Variants in TMEM178B observed in about 807,000 individuals in gnomAD.
TMEM178B encodes the protein transmembrane protein 178B.
TMEM178B carries 5 observed loss-of-function variants against 31.0 expected under a neutral mutation model. That is an observed-to-expected ratio of 0.16 (90% CI 0.08 to 0.34). TMEM178B has a LOEUF of 0.34. Among genes scored for constraint, TMEM178B ranks in the 10% least tolerant of loss-of-function variants. TMEM178B has a pLI of 1.00. For missense variants in TMEM178B, 275 were observed against 400.3 expected (o/e 0.69, Z 2.67); for synonymous variants, 164 against 164.0 (o/e 1.00, Z 0.00).
chr7:141,144,720 G>A (rs1409593537), intron 1 of TMEM178B, among the ~76,000 whole-genome samples: 1 of 152,040 alleles, frequency 6.6e-6, no homozygotes, highest in Non-Finnish European at 1.5e-5. Flanking sequence ...GGGTAAGCTG[G>A]GCTCAGAGAT....
chr7:141,087,110 AGATT>A (rs907685144), intron 1 of TMEM178B, among the ~76,000 whole-genome samples: 1 of 152,214 alleles, frequency 6.6e-6, no homozygotes, highest in African/African-American at 2.4e-5. Context: ...AATTTTATTC[AGATT>A]GTGTTGTTCA....
chr7:141,481,571 G>T (rs574198979), downstream of TMEM178B, among the ~76,000 whole-genome samples: 2 of 152,166 alleles, frequency 1.3e-5, no homozygotes, highest in Admixed American at 1.3e-4. Flanking sequence ...GAAGACCTGC[G>T]TGGATTTACT....
At chr7:141,273,370 T>A (rs1482841762) in intron 2 of TMEM178B, among the ~76,000 whole-genome samples, 1 of 152,226 alleles carries the variant, frequency 6.6e-6, no homozygotes, top group Non-Finnish European at 1.5e-5. Context: ...TCTACATGTA[T>A]CAAATTATCA....
At chr7:141,240,194 G>C (rs900372661) in intron 2 of TMEM178B, among the ~76,000 whole-genome samples, 1 of 152,104 alleles carries the variant, frequency 6.6e-6, no homozygotes, top group Admixed American at 6.6e-5. Context: ...TAGTTCTAGA[G>C]TACAACCTCT....
At chr7:141,383,513 C>T (rs1441820199) in intron 2 of TMEM178B, among the ~76,000 whole-genome samples, 1 of 152,140 alleles carries the variant, frequency 6.6e-6, no homozygotes, top group Non-Finnish European at 1.5e-5. Context: ...ATGATGGTTT[C>T]CAGCTTCATT....
chr7:141,429,166 C>CTA lies in TMEM178B; in HGVS notation c.497-8437_497-8436dup, dbSNP rs1382879439. ...TACAATCCAGCAATTCCACTACTGA[C>CTA]TATATACCCAAAGAAATTGAAATCA... On this transcript the variant is annotated intron_variant, in intron 2 of 3. Coordinates refer to ENST00000565468, the MANE Select transcript of TMEM178B (RefSeq NM_001195278.2). Among the ~76,000 whole-genome samples, 19 of 152,246 alleles carry CTA rather than the reference C, an allele frequency of 1.2e-4. 1 individual carries two copies. Among genetic ancestry groups the CTA allele is most frequent in the Middle Eastern group, 6.8e-3 (2 of 294 alleles).
intron 2 of TMEM178B, among the ~76,000 whole-genome samples, chr7:141,420,928 C>G (rs1254759558): frequency 6.6e-6 from 1 of 152,134 alleles, no homozygotes; most frequent in African/African-American, 2.4e-5. Flanking sequence ...TGGTCTACCC[C>G]CTAACTTCCA....
In TMEM178B at chr7:141,439,466, A is replaced by G. The variant is rs1161253571; in HGVS notation, c.634+1721A>G. Among the ~76,000 whole-genome samples the G allele has an allele frequency of 3.3e-5, 5 of 152,074 alleles. No individual in the cohort carries two copies. In the East Asian group the frequency reaches 7.7e-4, roughly 24 times the overall value. ...ATGCTTCCCTGCTCTGTGCCTCAGC[A>G]TACCCTTCAGTGAAACAAGGAGTCA... On this transcript the variant is annotated intron_variant, in intron 3 of 3. Coordinates refer to ENST00000565468, the MANE Select transcript of TMEM178B (RefSeq NM_001195278.2).
chr7:141,389,866 G>A (rs544696705), intron 2 of TMEM178B, among the ~76,000 whole-genome samples: 215 of 152,302 alleles, frequency 1.4e-3, no homozygotes, highest in Non-Finnish European at 2.1e-3. Flanking sequence ...GGGGTGACTG[G>A]CATGAGCACC....
At chr7:141,262,501 A>ATATATATATATATATATATATATC (rs1474394298) in intron 2 of TMEM178B, among the ~76,000 whole-genome samples, 7 of 114,070 alleles carry the variant, frequency 6.1e-5, no homozygotes, top group Non-Finnish European at 9.5e-5. Flanking sequence ...ATATATATAT[A>ATATATATATATATATATATATATC]TATCCCTCCC....
At chr7:141,217,239 C>A (rs982156146) in intron 2 of TMEM178B, among the ~76,000 whole-genome samples, 4 of 152,346 alleles carry the variant, frequency 2.6e-5, no homozygotes, top group South Asian at 4.1e-4. Flanking sequence ...CCCAGTAGCT[C>A]TGCTCTTGTT....
At chr7:141,188,024 A>T (rs982562129) in intron 1 of TMEM178B, among the ~76,000 whole-genome samples, 1 of 152,156 alleles carries the variant, frequency 6.6e-6, no homozygotes, top group Non-Finnish European at 1.5e-5. Flanking sequence ...GCCCATGCCT[A>T]TGTCCTGAAT....
At chr7:141,437,860 A>G in intron 3 of TMEM178B, 115 bp downstream of exon 3, 1 of 1,389,912 alleles carries the variant, frequency 7.2e-7, no homozygotes, top group Non-Finnish European at 9.7e-7. Flanking sequence ...TGGGGTTCTC[A>G]TTCACTCATC....
At chr7:141,093,201 T>C (rs1794906846) in intron 1 of TMEM178B, among the ~76,000 whole-genome samples, 1 of 152,110 alleles carries the variant, frequency 6.6e-6, no homozygotes, top group African/African-American at 2.4e-5. Flanking sequence ...CCAGCAAAGA[T>C]GGTGACTAGA....
Position 141,436,320 on chromosome 7 carries a change from C to T in TMEM178B, c.497-1288C>T, listed in dbSNP as rs1324715001. ...GGCTGCAGCAGCTGGTGTGCTTGCA[C>T]GGGGTGTGGATGTGGTTTGCTTCAG... is the stretch of plus-strand genomic sequence containing the variant. On this transcript the variant is annotated intron_variant, in intron 2 of 3. Coordinates refer to ENST00000565468, the MANE Select transcript of TMEM178B (RefSeq NM_001195278.2). Among the ~76,000 whole-genome samples, 9 of 151,896 alleles carry T rather than the reference C, an allele frequency of 5.9e-5. No individual in the cohort carries two copies. The East Asian group carries it at 9.7e-4, about 16-fold the overall frequency.
chr7:141,149,292 C>G (rs180825998), intron 1 of TMEM178B, among the ~76,000 whole-genome samples: 3 of 152,302 alleles, frequency 2.0e-5, no homozygotes, highest in African/African-American at 7.2e-5. Flanking sequence ...TGCAGTGGCT[C>G]AGGCCTGTAA....
chr7:141,105,032 T>G (rs529631745), intron 1 of TMEM178B, among the ~76,000 whole-genome samples: 1 of 152,278 alleles, frequency 6.6e-6, no homozygotes, highest in East Asian at 1.9e-4. Context: ...AGATCTGACT[T>G]AAGTCAGAGA....
rs193090612 is a variant in TMEM178B at position 141,171,684 on chromosome 7, G to A, written c.383-40907G>A. On this transcript the variant is annotated intron_variant, in intron 1 of 3. Coordinates refer to ENST00000565468, the MANE Select transcript of TMEM178B (RefSeq NM_001195278.2). This position sits in a 1 kb window ranked among gnomAD's most constrained non-coding sequence, Gnocchi z 4.3. ...GATGGCTGTGGTGTCACAGCAGAGA[G>A]CCAGCAGACAAAGACAGTGTCTTAG... Among the ~76,000 whole-genome samples the A allele has an allele frequency of 6.6e-6, 1 of 152,336 alleles. No individual in the cohort carries two copies. The highest frequency in any genetic ancestry group is 1.9e-4 in the East Asian group (1 of 5,188).
chr7:141,429,043 A>T (rs12154683), intron 2 of TMEM178B, among the ~76,000 whole-genome samples: 2,874 of 152,274 alleles, frequency 0.019, 38 homozygotes, highest in Middle Eastern at 0.041. Flanking sequence ...AAAATGGAGA[A>T]AGGGAACCCT....
Sources: gnomAD v4.1 joint callset for allele counts (sites outside exome capture counted in the v4.1 genomes callset) on GRCh38, gnomAD v4.1.1 for gene constraint, Gnocchi (gnomAD v3.1) non-coding constraint, MANE v1.5 for transcripts, NCBI Gene and HGNC (gene_info 2026-07-23, HGNC 2026-07-21) for gene names.